ANO1: variants seen among roughly 807,000 people sequenced by gnomAD.
ANO1 encodes anoctamin 1, also known as anoctamin-1.
A neutral mutation model predicts 124.0 loss-of-function variants in ANO1; 59 were observed. That is an observed-to-expected ratio of 0.48 (90% CI 0.39 to 0.59). The LOEUF is 0.59. Among genes scored for constraint, ANO1 ranks in the 20% least tolerant of loss-of-function variants. The probability of loss-of-function intolerance (pLI) is 0.00; values close to 1 mark genes in which losing one functional copy is unlikely to be tolerated. For synonymous variants in ANO1, 529 were observed against 532.0 expected, an observed-to-expected ratio of 0.99 and a Z score of 0.08; for missense variants, 1,059 against 1,328.0, an observed-to-expected ratio of 0.80 and a Z score of 3.15.
chr11:69,975,022 G>T, the ANO1 span, among the ~76,000 whole-genome samples: 11 of 152,358 alleles, frequency 7.2e-5, no homozygotes, highest in Admixed American at 2.0e-4. Context: ...CAGCCTGGGA[G>T]GGGCTGGAGC....
intron 22 of ANO1, among the ~76,000 whole-genome samples, chr11:70,176,899 G>C (rs949503007): frequency 5.9e-5 from 9 of 152,180 alleles, no homozygotes; most frequent in African/African-American, 1.9e-4. Flanking sequence ...CAGGAGAGGC[G>C]GATCCCGTGG....
At chr11:69,974,023 A>T in the ANO1 span, among the ~76,000 whole-genome samples, 1 of 152,132 alleles carries the variant, frequency 6.6e-6, no homozygotes, top group Non-Finnish European at 1.5e-5. Context: ...TCAGATATTA[A>T]AAATAATATT....
chr11:70,022,773 T>G (rs1856831144), intron 1 of ANO1, among the ~76,000 whole-genome samples: 1 of 152,132 alleles, frequency 6.6e-6, no homozygotes, highest in Non-Finnish European at 1.5e-5. Context: ...GTGAATCTCT[T>G]TTATTACACT....
At chr11:70,168,779 G>A (rs570412545) in intron 21 of ANO1, among the ~76,000 whole-genome samples, 4 of 152,172 alleles carry the variant, frequency 2.6e-5, no homozygotes, top group African/African-American at 9.7e-5. Context: ...ACCTTAGAGG[G>A]TGGGGAGCGT....
intron 1 of ANO1, among the ~76,000 whole-genome samples, chr11:70,025,585 T>G (rs1023718210): frequency 2.0e-5 from 3 of 151,498 alleles, no homozygotes; most frequent in African/African-American, 4.9e-5. Flanking sequence ...ATGGAGGTAG[T>G]GATGACAGTG....
intron 1 of ANO1, chr11:70,064,229 C>A (rs1226195933): frequency 6.6e-6 from 1 of 152,308 alleles, no homozygotes; most frequent in African/African-American, 2.4e-5. Flanking sequence ...CAGCCCCTGG[C>A]TCTCACGCAC....
intron 1 of ANO1, among the ~76,000 whole-genome samples, chr11:70,060,354 G>T (rs1857545957): frequency 6.6e-6 from 1 of 152,200 alleles, no homozygotes; most frequent in Non-Finnish European, 1.5e-5. Context: ...GGTGAAAATT[G>T]ATTGGGTTTA....
intron 4 of ANO1, among the ~76,000 whole-genome samples, 156 bp from the exon 5 acceptor site, chr11:70,105,578 C>T (rs2045492126): frequency 6.6e-6 from 1 of 152,142 alleles, no homozygotes; most frequent in Non-Finnish European, 1.5e-5. Flanking sequence ...TTCCAAATGC[C>T]CAGGGGCGGA....
chr11:70,062,305 G>C (rs1324872430), intron 1 of ANO1, among the ~76,000 whole-genome samples: 1 of 152,100 alleles, frequency 6.6e-6, no homozygotes, highest in African/African-American at 2.4e-5. Context: ...TCGAACTCCT[G>C]ACCTCAGGTG....
At chr11:70,122,514 CCT>C (rs1160217883) in intron 8 of ANO1, among the ~76,000 whole-genome samples, 1 of 148,618 alleles carries the variant, frequency 6.7e-6, no homozygotes, top group Non-Finnish European at 1.5e-5. Flanking sequence ...GTCTCCCTCA[CCT>C]CTCTCTGTCT....
At chr11:70,007,589 CT>C (rs1226721373) in intron 1 of ANO1, among the ~76,000 whole-genome samples, 1 of 152,158 alleles carries the variant, frequency 6.6e-6, no homozygotes, top group Non-Finnish European at 1.5e-5. Flanking sequence ...CACCTCCTTT[CT>C]TTTTAAGGCT....
chr11:70,005,783 G>T (rs998357710), intron 1 of ANO1, among the ~76,000 whole-genome samples: 12 of 152,148 alleles, frequency 7.9e-5, no homozygotes, highest in Admixed American at 7.9e-4. Flanking sequence ...TCTCCATCTC[G>T]ACCACCAAAG....
chr11:70,059,348 CAAAAAA>C (rs1192273449), intron 1 of ANO1, among the ~76,000 whole-genome samples: 2 of 75,108 alleles, frequency 2.7e-5, no homozygotes, highest in African/African-American at 1.2e-4. Context: ...GAGACACTGT[CAAAAAA>C]AAAAAAAAAA....
chr11:70,034,405 G>A (rs1555004134), intron 1 of ANO1, among the ~76,000 whole-genome samples: 1 of 152,156 alleles, frequency 6.6e-6, no homozygotes, highest in Non-Finnish European at 1.5e-5. Context: ...CGGCGGTTGG[G>A]TGGAAGACAC....
chr11:69,971,494 TA>T, the ANO1 span, among the ~76,000 whole-genome samples: 1 of 152,220 alleles, frequency 6.6e-6, no homozygotes, highest in Non-Finnish European at 1.5e-5. Flanking sequence ...CTCTCTTCTT[TA>T]AAAAAGAGAA....
At chr11:70,158,575 CT>C (rs1319478794) in intron 16 of ANO1, among the ~76,000 whole-genome samples, 6 of 152,264 alleles carry the variant, frequency 3.9e-5, no homozygotes, top group Non-Finnish European at 8.8e-5. Flanking sequence ...CCTGCAGAAG[CT>C]GGTGCCAGTC....
intron 1 of ANO1, among the ~76,000 whole-genome samples, chr11:70,046,346 G>A (rs374988666): frequency 1.3e-4 from 20 of 152,240 alleles, no homozygotes; most frequent in South Asian, 6.2e-4. Context: ...AAGACTTCAC[G>A]CCTGGGGGTG....
rs2048816569 is a variant in ANO1, at chr11:70,178,550, T to C, written c.2351-1454T>C. Among the ~76,000 whole-genome samples the C allele has an allele frequency of 2.0e-5, 3 of 146,556 alleles. No homozygotes were observed. In the South Asian group the frequency reaches 6.7e-4, roughly 33 times the overall value. On this transcript the variant is annotated intron_variant, in intron 22 of 25. Coordinates refer to ENST00000355303, the MANE Select transcript of ANO1 (RefSeq NM_018043.7). ...CTCAAATTGCCTACCAGCAATGGGT[T>C]GCAGTGGGTATTTCTCTTTTTTTTT...
At chr11:70,129,365 A>G (rs1476807162) in intron 10 of ANO1, 2 of 152,168 alleles carry the variant, frequency 1.3e-5, no homozygotes, top group Non-Finnish European at 2.9e-5. Flanking sequence ...TCTCTTCACT[A>G]TCAGCAACCC....
Sources: gnomAD v4.1 joint callset for allele counts (sites outside exome capture counted in the v4.1 genomes callset) on GRCh38, gnomAD v4.1.1 for gene constraint, MANE v1.5 for transcripts, NCBI Gene and HGNC (gene_info 2026-07-23, HGNC 2026-07-21) for gene names.